PALM2AKAP2: variants seen among roughly 807,000 people sequenced by gnomAD.
PALM2AKAP2 encodes PALM2 and AKAP2 fusion.
PALM2AKAP2 carries 37 observed loss-of-function variants against 71.5 expected under a neutral mutation model. The observed-to-expected ratio is 0.52, with a 90% CI of 0.40 to 0.68. The LOEUF (loss-of-function observed/expected upper bound fraction) is 0.68. Ranked by LOEUF, PALM2AKAP2 falls within the 30% of genes least tolerant of loss-of-function variation. The probability of loss-of-function intolerance (pLI) is 0.00; values close to 1 mark genes in which losing one functional copy is unlikely to be tolerated. For synonymous variants in PALM2AKAP2, 468 were observed against 478.8 expected (o/e 0.98, Z 0.29); for missense variants, 1,224 against 1,191.8 (o/e 1.03, Z -0.40).
chr9:109,856,103 C>A (rs1829156719), intron 1 of PALM2AKAP2, among the ~76,000 whole-genome samples: 1 of 152,078 alleles, frequency 6.6e-6, no homozygotes, highest in African/African-American at 2.4e-5. Flanking sequence ...CATTTAAAAC[C>A]CTGAGAAACT....
At chr9:109,651,920 C>G (rs1172802896) in intron 1 of PALM2AKAP2, among the ~76,000 whole-genome samples, 2 of 152,108 alleles carry the variant, frequency 1.3e-5, no homozygotes, top group Non-Finnish European at 2.9e-5. Flanking sequence ...AAGGAACATT[C>G]CTGGTCGAAA....
chr9:109,867,382 C>T (rs1250205960), intron 1 of PALM2AKAP2, 109 bp from the exon 2 acceptor site: 2 of 1,293,034 alleles, frequency 1.5e-6, no homozygotes, highest in African/African-American at 3.0e-5. Flanking sequence ...CCCGGTGTCT[C>T]TGGAAGTGTC....
rs78525569 is a variant in PALM2AKAP2 at position 109,879,167 on chromosome 9, C to G, written c.127-1384C>G. Among the ~76,000 whole-genome samples the G allele has an allele frequency of 9.6e-3, 1,464 of 152,342 alleles. 17 individuals carry two copies. The highest frequency in any genetic ancestry group is 0.034 in the African/African-American group (1,403 of 41,564). ...TCAGGGAGTGCTCCAAGCCTCCATT[C>G]CCTGGCTCTCAGTCTTTAGAAGAGT... On this transcript the variant is annotated intron_variant, in intron 2 of 9. Transcript: ENST00000302798.
chr9:110,160,743 T>C (rs945165511), intron 3 of PALM2AKAP2, among the ~76,000 whole-genome samples: 6 of 152,206 alleles, frequency 3.9e-5, no homozygotes, highest in Admixed American at 6.5e-5. Flanking sequence ...GTTGAAGGGA[T>C]GCTGACCAGA....
intron 1 of PALM2AKAP2, among the ~76,000 whole-genome samples, chr9:110,100,267 C>T (rs560054952): frequency 6.6e-6 from 1 of 152,048 alleles, no homozygotes; most frequent in Non-Finnish European, 1.5e-5. Flanking sequence ...TGCTGCCGTC[C>T]TGGAAGATTG....
chr9:109,988,806 T>C (rs1249047264), intron 6 of PALM2AKAP2, among the ~76,000 whole-genome samples: 1 of 152,232 alleles, frequency 6.6e-6, no homozygotes, highest in Non-Finnish European at 1.5e-5. Flanking sequence ...TATCTTTGAA[T>C]TGTAGCTCCC....
At chr9:110,021,997 C>G (rs1455714257) in intron 7 of PALM2AKAP2, among the ~76,000 whole-genome samples, 1 of 152,220 alleles carries the variant, frequency 6.6e-6, no homozygotes, top group Non-Finnish European at 1.5e-5. Context: ...TACTATTGCT[C>G]TTGGCTCTCC....
At chr9:110,139,130 G>A (rs976580152) in intron 2 of PALM2AKAP2, among the ~76,000 whole-genome samples, 1 of 152,182 alleles carries the variant, frequency 6.6e-6, no homozygotes, top group Non-Finnish European at 1.5e-5. Context: ...AGGAGTGGAC[G>A]CATCTGTTCT....
intron 6 of PALM2AKAP2, among the ~76,000 whole-genome samples, chr9:109,963,802 G>T (rs1564236086): frequency 6.6e-6 from 1 of 152,174 alleles, no homozygotes; most frequent in African/African-American, 2.4e-5. Context: ...TCTTCCCAAG[G>T]ATGGGCCACT....
At chr9:109,910,164 T>C (rs1830536875) in intron 3 of PALM2AKAP2, among the ~76,000 whole-genome samples, 2 of 152,156 alleles carry the variant, frequency 1.3e-5, no homozygotes, top group South Asian at 4.1e-4. Context: ...TACGTGATGA[T>C]AGTAAGCGAG....
chr9:110,031,824 GAGGCTTTTATGT>G (rs1387932749), intron 7 of PALM2AKAP2, among the ~76,000 whole-genome samples: 1 of 152,148 alleles, frequency 6.6e-6, no homozygotes, highest in Admixed American at 6.6e-5. Context: ...GATCAATATG[GAGGCTTTTATGT>G]AGTTCTGTTT....
At chr9:110,158,205 T>G (rs1436480238) in intron 3 of PALM2AKAP2, among the ~76,000 whole-genome samples, 2 of 152,246 alleles carry the variant, frequency 1.3e-5, no homozygotes, top group East Asian at 3.8e-4. Flanking sequence ...CTTCAAAGGA[T>G]AAAGTTTGCC....
chr9:109,813,413 T>TCCAGAGGCC (rs144703388), intron 1 of PALM2AKAP2, among the ~76,000 whole-genome samples: 24,676 of 152,186 alleles, frequency 0.16, 2,632 homozygotes, highest in East Asian at 0.35. Flanking sequence ...CAACAATCTG[T>TCCAGAGGCC]AACGGCCTCT....
chr9:109,644,034 A>C (rs1312303441), intron 1 of PALM2AKAP2, among the ~76,000 whole-genome samples: 1 of 152,074 alleles, frequency 6.6e-6, no homozygotes, highest in Non-Finnish European at 1.5e-5. Flanking sequence ...ACCAGATCTC[A>C]GGGGAACTCA....
intron 1 of PALM2AKAP2, among the ~76,000 whole-genome samples, chr9:109,697,999 C>G (rs985671614): frequency 1.3e-5 from 2 of 152,206 alleles, no homozygotes; most frequent in Admixed American, 1.3e-4. Context: ...ACAAATTATA[C>G]ACACACATCT....
At chr9:109,817,689 G>GA (rs1386374555) in intron 1 of PALM2AKAP2, among the ~76,000 whole-genome samples, 2 of 152,168 alleles carry the variant, frequency 1.3e-5, no homozygotes, top group Non-Finnish European at 2.9e-5. Context: ...GGTGACTACT[G>GA]AAAGTTTCAT....
At chr9:110,038,319 C>T (rs1833448890) in intron 7 of PALM2AKAP2, among the ~76,000 whole-genome samples, 1 of 149,552 alleles carries the variant, frequency 6.7e-6, no homozygotes, top group Admixed American at 6.8e-5. Flanking sequence ...GACAGAGTGA[C>T]CCTGTCTCAA....
At chr9:109,717,894 T>C (rs1035501219) in intron 1 of PALM2AKAP2, among the ~76,000 whole-genome samples, 2 of 152,088 alleles carry the variant, frequency 1.3e-5, no homozygotes, top group African/African-American at 2.4e-5. Context: ...GAGAATCTTG[T>C]AGACATGAAA....
At chr9:109,815,741 G>A (rs1437026071) in intron 1 of PALM2AKAP2, among the ~76,000 whole-genome samples, 1 of 152,188 alleles carries the variant, frequency 6.6e-6, no homozygotes, top group Non-Finnish European at 1.5e-5. Context: ...GAGGAAGTTG[G>A]GGATTAAATG....
Sources: gnomAD v4.1 joint callset for allele counts (sites outside exome capture counted in the v4.1 genomes callset) on GRCh38, gnomAD v4.1.1 for gene constraint, MANE v1.5 for transcripts, NCBI Gene and HGNC (gene_info 2026-07-23, HGNC 2026-07-21) for gene names.